PAM: variants seen among roughly 807,000 people sequenced by gnomAD.
The protein encoded by PAM is peptidyl-glycine alpha-amidating monooxygenase.
A neutral mutation model predicts 122.1 loss-of-function variants in PAM; 72 were observed. The observed-to-expected ratio is 0.59, with a 90% CI of 0.49 to 0.72. PAM has a LOEUF of 0.72. PAM is among the 30% of genes least tolerant of loss of function. The pLI is 0.00. For synonymous variants in PAM, 389 were observed against 404.4 expected (o/e 0.96, Z 0.46); for missense variants, 1,106 against 1,183.7 (o/e 0.93, Z 0.96).
intron 22 of PAM, 34 bp downstream of exon 22, chr5:103,017,467 C>T (rs772785844): frequency 2.4e-5 from 32 of 1,316,620 alleles, no homozygotes; most frequent in Non-Finnish European, 3.4e-5. Context: ...TTCACATTTT[C>T]CCTCAGTTTG....
At chr5:102,825,116 C>A (rs1773201348) in intron 1 of PAM, among the ~76,000 whole-genome samples, 2 of 152,190 alleles carry the variant, frequency 1.3e-5, no homozygotes, top group Admixed American at 6.5e-5. Context: ...ATTTCAGCCT[C>A]TTTTGTAACT....
At chr5:102,916,192 A>G (rs1226754882) in intron 5 of PAM, among the ~76,000 whole-genome samples, 1 of 152,062 alleles carries the variant, frequency 6.6e-6, no homozygotes, top group African/African-American at 2.4e-5. Context: ...AAGCCTCTCT[A>G]TGCTCTAAAA....
intron 12 of PAM, among the ~76,000 whole-genome samples, chr5:102,953,416 G>A (rs1316548934): frequency 6.6e-6 from 1 of 152,130 alleles, no homozygotes; most frequent in Admixed American, 6.6e-5. Context: ...TGACAAGGTG[G>A]ATGAATCTGA....
chr5:102,869,288 G>A (rs1786598805), intron 3 of PAM, among the ~76,000 whole-genome samples: 1 of 152,232 alleles, frequency 6.6e-6, no homozygotes, highest in South Asian at 2.1e-4. Flanking sequence ...TCTGTTGCAT[G>A]TGAGCAGTAG....
intron 3 of PAM, among the ~76,000 whole-genome samples, chr5:102,881,225 G>A (rs1790950499): frequency 6.6e-6 from 1 of 151,290 alleles, no homozygotes; most frequent in Admixed American, 6.6e-5. Flanking sequence ...CAGAAAAAGA[G>A]TTAAAATACT....
chr5:102,885,094 T>TATATATATATATATAAAA (rs60241746), intron 3 of PAM, among the ~76,000 whole-genome samples: 10 of 147,854 alleles, frequency 6.8e-5, no homozygotes, highest in Admixed American at 2.7e-4. Context: ...TATATATATA[T>TATATATATATATATAAAA]AACTATAAAA....
At chr5:102,760,316 G>A (rs1197529023) in intron 1 of PAM, among the ~76,000 whole-genome samples, 1 of 152,100 alleles carries the variant, frequency 6.6e-6, no homozygotes, top group Non-Finnish European at 1.5e-5. Flanking sequence ...TGATACTACT[G>A]CTACTGATAT....
At chr5:102,916,721 A>G (rs1364115926) in intron 5 of PAM, among the ~76,000 whole-genome samples, 3 of 146,806 alleles carry the variant, frequency 2.0e-5, no homozygotes, top group Non-Finnish European at 3.0e-5. Flanking sequence ...TATATTATAT[A>G]TCATATATTT....
intron 1 of PAM, among the ~76,000 whole-genome samples, chr5:102,852,066 C>T (rs1304851258): frequency 6.6e-6 from 1 of 152,188 alleles, no homozygotes; most frequent in Non-Finnish European, 1.5e-5. Flanking sequence ...GTGGAAGCTG[C>T]TTTCCCCATT....
Position 102,851,101 on chromosome 5 carries a change from G to A in PAM, c.-373-14722G>A, listed in dbSNP as rs569522130. On this transcript the variant is annotated intron_variant, in intron 1 of 25. Coordinates refer to ENST00000438793, the MANE Select transcript of PAM (RefSeq NM_001177306.2). ...AACTCTGCTCAGTAATCGGATGCAC[G>A]ATTCATTTAGAAAATATTATTTTAT... is the stretch of plus-strand genomic sequence containing the variant. Among the ~76,000 whole-genome samples the A allele has an allele frequency of 2.6e-5, 4 of 152,090 alleles. No homozygotes were observed. The South Asian group carries it at 8.3e-4, about 32-fold the overall frequency.
At chr5:103,007,116 C>A in intron 19 of PAM, 105 bp downstream of exon 19, 1 of 835,668 alleles carries the variant, frequency 1.2e-6, no homozygotes, top group Non-Finnish European at 1.9e-6. Flanking sequence ...TTGTCCCCTA[C>A]AGGGTCATTG....
chr5:102,908,912 A>G (rs977613728), intron 4 of PAM, among the ~76,000 whole-genome samples: 9 of 151,634 alleles, frequency 5.9e-5, no homozygotes, highest in African/African-American at 2.2e-4. Flanking sequence ...TGAGCTTTAC[A>G]TTTCTCTGTA....
At chr5:102,784,573 C>T (rs1759983157) in intron 1 of PAM, among the ~76,000 whole-genome samples, 1 of 152,192 alleles carries the variant, frequency 6.6e-6, no homozygotes, top group African/African-American at 2.4e-5. Context: ...CCATCTCTGT[C>T]TTATCTAACC....
At chr5:102,920,192 T>C (rs930321733) in intron 5 of PAM, among the ~76,000 whole-genome samples, 12 of 152,168 alleles carry the variant, frequency 7.9e-5, no homozygotes, top group East Asian at 1.9e-4. Context: ...GGCAGCTTGA[T>C]TGGGCCATCA....
intron 7 of PAM, among the ~76,000 whole-genome samples, chr5:102,945,154 A>C (rs1756611267): frequency 6.6e-6 from 1 of 152,206 alleles, no homozygotes; most frequent in South Asian, 2.1e-4. Context: ...TCTCAGTTGT[A>C]GACTACTTAG....
chr5:102,960,071 T>A lies in PAM; in HGVS notation c.1090+12T>A, dbSNP rs1413829728. 4 of 1,415,596 alleles carry A rather than the reference T, an allele frequency of 2.8e-6. No homozygotes were observed. The highest frequency in any genetic ancestry group is 9.8e-7 in the Non-Finnish European group (1 of 1,017,494). The allele number at this position is 1,415,596 out of a possible 1,614,324, so 87.7% of individuals were successfully genotyped here. ...TGAACATCATAAAGGTAATAATTGA[T>A]GTTTAATATAAAGTAATATATGATT... On this transcript the variant is annotated intron_variant, in intron 13 of 25. Transcript: ENST00000438793.
intron 22 of PAM, among the ~76,000 whole-genome samples, chr5:103,019,026 C>T (rs949460260): frequency 6.6e-6 from 1 of 152,160 alleles, no homozygotes; most frequent in Non-Finnish European, 1.5e-5. Context: ...ACCTGCCACT[C>T]ACCTCCTGCT....
At chr5:102,862,465 C>T (rs554071681) in intron 1 of PAM, among the ~76,000 whole-genome samples, 1 of 152,114 alleles carries the variant, frequency 6.6e-6, no homozygotes, top group South Asian at 2.1e-4. Context: ...GGATATGTGC[C>T]CTTTCATCAG....
intron 7 of PAM, among the ~76,000 whole-genome samples, chr5:102,936,306 G>T (rs971674699): frequency 6.6e-6 from 1 of 152,038 alleles, no homozygotes; most frequent in Non-Finnish European, 1.5e-5. Flanking sequence ...TATTTTGCTG[G>T]TTGTCTAGAC....
Sources: gnomAD v4.1 joint callset for allele counts (sites outside exome capture counted in the v4.1 genomes callset) on GRCh38, gnomAD v4.1.1 for gene constraint, MANE v1.5 for transcripts, NCBI Gene and HGNC (gene_info 2026-07-23, HGNC 2026-07-21) for gene names.